Variants in VPS13A observed in about 807,000 individuals in gnomAD.
VPS13A encodes intermembrane lipid transfer protein VPS13A.
A neutral mutation model predicts 390.9 loss-of-function variants in VPS13A; 264 were observed. The observed-to-expected ratio is 0.68, with a 90% CI of 0.61 to 0.75. VPS13A has a LOEUF of 0.75. Ranked by LOEUF, VPS13A falls within the 30% of genes least tolerant of loss-of-function variation. The pLI, the probability that VPS13A is intolerant of heterozygous loss-of-function variation, is 0.00. For missense variants in VPS13A, 3,409 were observed against 3,733.9 expected (o/e 0.91, Z 2.27); for synonymous variants, 1,231 against 1,227.1 (o/e 1.00, Z -0.07).
chr9:77,399,195 A>C lies in VPS13A; in HGVS notation c.9190-4041A>C, dbSNP rs1214470800. Among the ~76,000 whole-genome samples, 10 of 105,296 alleles carry C rather than the reference A, an allele frequency of 9.5e-5. No homozygotes were observed. The East Asian group carries it at 2.1e-3, about 22-fold the overall frequency. 69.1% of individuals were successfully genotyped at this position (105,296 alleles called of 152,430 possible). Reference sequence around the variant, plus strand: ...AAAAAAAAAAATAAAAAAAAAAAAAAAAAAAAAAAACAAAGGATACGGTTG... The same window carrying C: ...AAAAAAAAAAATAAAAAAAAAAAAACAAAAAAAAAACAAAGGATACGGTTG... On this transcript the variant is annotated intron_variant, in intron 68 of 71. Transcript: ENST00000360280.
At position 77,184,171 on chromosome 9, in the gene VPS13A, T is replaced by C. The variant is rs375861982; in HGVS notation, c.100+6367T>C. 3.0e-4 allele frequency among the ~76,000 whole-genome samples: 46 copies of C among 152,354 alleles called. No individual in the cohort carries two copies. In the East Asian group the frequency reaches 6.5e-3, roughly 22 times the overall value. On this transcript the variant is annotated intron_variant, in intron 1 of 71. Coordinates refer to ENST00000360280, the MANE Select transcript of VPS13A (RefSeq NM_033305.3). ...ACATGTAACTCAAACCCAGTCAAGA[T>C]ATAGAACATGACCATCACCCCAGAA...
intron 19 of VPS13A, 91 bp from the exon 20 acceptor site, chr9:77,247,168 A>G: frequency 9.1e-7 from 1 of 1,094,512 alleles, no homozygotes; most frequent in Non-Finnish European, 1.3e-6. Flanking sequence ...TTTTACATTA[A>G]GATTGTTTTA....
chr9:77,181,515 CAAAAAAAAAA>C (rs1161800764), intron 1 of VPS13A, among the ~76,000 whole-genome samples: 5 of 80,290 alleles, frequency 6.2e-5, no homozygotes, highest in East Asian at 6.4e-4. Flanking sequence ...GACCCTGCCT[CAAAAAAAAAA>C]AAAAAAAAAA....
chr9:77,291,005 T>C (rs1827620029), intron 31 of VPS13A, among the ~76,000 whole-genome samples: 1 of 152,184 alleles, frequency 6.6e-6, no homozygotes, highest in East Asian at 1.9e-4. Context: ...ATTGATCGAA[T>C]GTCAGACATC....
chr9:77,254,405 T>C (rs1242568017), intron 22 of VPS13A, among the ~76,000 whole-genome samples: 4 of 152,244 alleles, frequency 2.6e-5, no homozygotes, highest in Admixed American at 2.6e-4. Flanking sequence ...TCTCTATGTC[T>C]TTATTTTCCT....
Position 77,273,263 on chromosome 9 carries a change from A to G in VPS13A, c.2428-17A>G. On this transcript the variant is annotated splice_polypyrimidine_tract_variant and intron_variant, in intron 23 of 71. Transcript: ENST00000360280. ...AACATTTTTGTGCTAATCAACATTG[A>G]ATTACTTTTCTTTCAGATTCAAACA... is the stretch of plus-strand genomic sequence containing the variant. 1.3e-6 allele frequency: 2 copies of G among 1,587,676 alleles called. No homozygotes were observed. The highest frequency in any genetic ancestry group is 1.7e-6 in the Non-Finnish European group (2 of 1,158,124).
At chr9:77,345,228 T>A in intron 52 of VPS13A, 86 bp downstream of exon 52, 3 of 1,357,362 alleles carry the variant, frequency 2.2e-6, no homozygotes, top group Non-Finnish European at 3.1e-6. Context: ...CTTAAGAGTA[T>A]AAACACTGAT....
In VPS13A at chr9:77,384,869, C is replaced by G. The variant is rs1013063024; in HGVS notation, c.9189+2782C>G. On this transcript the variant is annotated intron_variant, in intron 68 of 71. Transcript: ENST00000360280. ...GCACAGAAAAAAATGTATCTTACAT[C>G]CAAAGTAGGGAGGGCATCCAACATA... 3.5e-6 allele frequency: 5 copies of G among 1,426,572 alleles called. No homozygotes were observed. In the African/African-American group the frequency reaches 7.2e-5, roughly 21 times the overall value. The allele number at this position is 1,426,572 out of a possible 1,614,324, so 88.4% of individuals were successfully genotyped here. A position where few individuals can be genotyped will look rare whatever the true frequency, so the allele number is the denominator to read the frequency against.
intron 27 of VPS13A, 130 bp from the exon 28 acceptor site, chr9:77,281,735 ATG>A (rs947455170): frequency 1.3e-5 from 6 of 475,402 alleles, no homozygotes; most frequent in African/African-American, 2.1e-5. Context: ...GTGTGTGTAT[ATG>A]TGTATATATA....
chr9:77,415,337 C>T (rs528413811), intron 71 of VPS13A, among the ~76,000 whole-genome samples: 1 of 152,164 alleles, frequency 6.6e-6, no homozygotes, highest in Non-Finnish European at 1.5e-5. Flanking sequence ...GCTATTCTTA[C>T]TAGGCTCTTT....
chr9:77,254,764 A>G (rs1825344871), intron 22 of VPS13A, among the ~76,000 whole-genome samples: 1 of 152,068 alleles, frequency 6.6e-6, no homozygotes, highest in African/African-American at 2.4e-5. Context: ...ATTCTTTGTG[A>G]TGCTATTGTA....
intron 19 of VPS13A, among the ~76,000 whole-genome samples, chr9:77,244,102 G>A (rs761491999): frequency 6.6e-6 from 1 of 152,092 alleles, no homozygotes; most frequent in East Asian, 1.9e-4. Context: ...GTCAGGTTTG[G>A]TGACGTGTAC....
intron 33 of VPS13A, among the ~76,000 whole-genome samples, chr9:77,296,183 T>C (rs1383007569): frequency 6.6e-6 from 1 of 152,204 alleles, no homozygotes; most frequent in Admixed American, 6.5e-5. Context: ...TTTATTCACT[T>C]TGCAAATACA....
chr9:77,219,851 G>A, intron 10 of VPS13A, 103 bp from the exon 11 acceptor site: 1 of 1,182,714 alleles, frequency 8.5e-7, no homozygotes, highest in Non-Finnish European at 1.2e-6. Flanking sequence ...CTGTAGAAGG[G>A]GTATAAAATA....
intron 35 of VPS13A, among the ~76,000 whole-genome samples, chr9:77,309,489 A>G (rs534139870): frequency 5.9e-5 from 9 of 152,326 alleles, no homozygotes; most frequent in Non-Finnish European, 1.0e-4. Context: ...TACCAAACCT[A>G]TGTTTGGATA....
intron 57 of VPS13A, 146 bp downstream of exon 57, chr9:77,358,584 A>G (rs1371074644): frequency 2.9e-6 from 2 of 685,218 alleles, no homozygotes; most frequent in Non-Finnish European, 5.1e-6. Flanking sequence ...AGGACCAGCA[A>G]GTACTATACA....
chr9:77,199,592 A>G (rs1825206532), intron 1 of VPS13A, among the ~76,000 whole-genome samples: 1 of 152,030 alleles, frequency 6.6e-6, no homozygotes, highest in South Asian at 2.1e-4. Flanking sequence ...TTTTTTCTCA[A>G]TGGTTTATTG....
intron 46 of VPS13A, 83 bp from the exon 47 acceptor site, chr9:77,337,172 T>G: frequency 3.1e-6 from 4 of 1,306,720 alleles, no homozygotes; most frequent in Non-Finnish European, 4.2e-6. Context: ...AGGAGGTAAG[T>G]TTGTTATTCT....
chr9:77,393,667 G>C (rs1833992547), intron 68 of VPS13A, among the ~76,000 whole-genome samples: 1 of 152,238 alleles, frequency 6.6e-6, no homozygotes, highest in Non-Finnish European at 1.5e-5. Context: ...GAGTGACTAG[G>C]TGCATGGTCA....
Sources: gnomAD v4.1 joint callset for allele counts (sites outside exome capture counted in the v4.1 genomes callset) on GRCh38, gnomAD v4.1.1 for gene constraint, MANE v1.5 for transcripts, NCBI Gene and HGNC (gene_info 2026-07-23, HGNC 2026-07-21) for gene names.